Variants in GRID2 observed in about 807,000 individuals in gnomAD.
GRID2 encodes the protein glutamate ionotropic receptor delta type subunit 2.
Under a neutral mutation model 114.8 loss-of-function variants are expected in GRID2, and 33 were observed. The observed-to-expected ratio is 0.29, with a 90% CI of 0.22 to 0.38. The LOEUF (loss-of-function observed/expected upper bound fraction) is 0.38. GRID2 is among the 10% of genes least tolerant of loss of function. The pLI, the probability that GRID2 is intolerant of heterozygous loss-of-function variation, is 1.00. For missense variants in GRID2, 1,184 were observed against 1,257.7 expected (o/e 0.94, Z 0.89); for synonymous variants, 505 against 449.9 (o/e 1.12, Z -1.55).
intron 14 of GRID2, among the ~76,000 whole-genome samples, chr4:93,728,092 A>G (rs10029652): frequency 0.57 from 86,710 of 151,682 alleles, 25,416 homozygotes; most frequent in East Asian, 0.75. Context: ...TGTCAATTTT[A>G]GATCTTTCCT....
chr4:93,237,567 A>T (rs775473931), intron 7 of GRID2, among the ~76,000 whole-genome samples: 1 of 151,938 alleles, frequency 6.6e-6, no homozygotes, highest in Non-Finnish European at 1.5e-5. Context: ...ACCAGGCCAA[A>T]ATTTTAAGTT....
intron 1 of GRID2, among the ~76,000 whole-genome samples, chr4:92,521,808 A>G (rs1401831779): frequency 1.3e-5 from 2 of 152,028 alleles, no homozygotes. Flanking sequence ...CAAATGGCTT[A>G]GTCTCCTGGA....
intron 14 of GRID2, among the ~76,000 whole-genome samples, chr4:93,689,703 A>G (rs1472731536): frequency 6.6e-6 from 1 of 152,106 alleles, no homozygotes; most frequent in South Asian, 2.1e-4. Context: ...TGAAGAAAAC[A>G]TAGTCTTTTG....
chr4:93,259,413 T>C (rs1579455940), intron 8 of GRID2, among the ~76,000 whole-genome samples: 2 of 151,818 alleles, frequency 1.3e-5, no homozygotes, highest in Non-Finnish European at 3.0e-5. Flanking sequence ...CTTTTCAAAA[T>C]AGTCTCGACT....
At chr4:93,448,834 CCCTTCCCTTCCCTT>C (rs1722363813) in intron 10 of GRID2, among the ~76,000 whole-genome samples, 13 of 14,372 alleles carry the variant, frequency 9.0e-4, no homozygotes, top group South Asian at 6.7e-3. Flanking sequence ...CCCTTCCCTT[CCCTTCCCTTCCCTT>C]CCCTTCCCTT....
At chr4:93,037,732 C>T (rs1183315575) in intron 2 of GRID2, among the ~76,000 whole-genome samples, 1 of 152,058 alleles carries the variant, frequency 6.6e-6, no homozygotes, top group Non-Finnish European at 1.5e-5. Flanking sequence ...TCAGGTTTGT[C>T]AAAGATCAGA....
At chr4:93,083,640 G>A (rs1433965540) in intron 2 of GRID2, among the ~76,000 whole-genome samples, 2 of 143,378 alleles carry the variant, frequency 1.4e-5, no homozygotes, top group South Asian at 2.2e-4. Flanking sequence ...AAGTTGCTGT[G>A]AGCCAAGATC....
At position 93,229,400 on chromosome 4, in the gene GRID2, C is replaced by T. The variant is rs369975752; in HGVS notation, c.1125+4625C>T. Among the ~76,000 whole-genome samples, 745 of 152,120 alleles carry T rather than the reference C, an allele frequency of 4.9e-3. 8 individuals carry two copies. The highest frequency in any genetic ancestry group is 0.017 in the African/African-American group (714 of 41,490). ...GGCTGGCAAAAGGTTCCCACTCATG[C>T]GGGCTGGAGATTTGAGAAGCTCAAG... is the stretch of plus-strand genomic sequence containing the variant. On this transcript the variant is annotated intron_variant, in intron 7 of 15. Transcript: ENST00000282020.
intron 2 of GRID2, among the ~76,000 whole-genome samples, chr4:92,749,096 C>A (rs564498990): frequency 1.3e-5 from 2 of 151,486 alleles, no homozygotes; most frequent in African/African-American, 4.9e-5. Flanking sequence ...CAGGTGCAAG[C>A]GATTCTCCTG....
At chr4:93,516,047 C>A (rs1299442542) in intron 13 of GRID2, among the ~76,000 whole-genome samples, 1 of 152,138 alleles carries the variant, frequency 6.6e-6, no homozygotes, top group Non-Finnish European at 1.5e-5. Flanking sequence ...GCAATTCAAA[C>A]CCTATCAACC....
chr4:93,205,113 CT>C (rs1742552272), intron 4 of GRID2, among the ~76,000 whole-genome samples: 1 of 151,862 alleles, frequency 6.6e-6, no homozygotes, highest in Non-Finnish European at 1.5e-5. Flanking sequence ...TTTTCTGTTA[CT>C]TTTTATTGTT....
At chr4:92,492,455 G>A (rs1723187563) in intron 1 of GRID2, among the ~76,000 whole-genome samples, 1 of 152,190 alleles carries the variant, frequency 6.6e-6, no homozygotes, top group African/African-American at 2.4e-5. Flanking sequence ...ATAAGAGCAT[G>A]TATCATTCTG....
rs796391861 is a variant in GRID2, at chr4:92,676,334, A to T, written c.244+86048A>T. Among the ~76,000 whole-genome samples, 134 of 151,440 alleles carry T rather than the reference A, an allele frequency of 8.8e-4. 1 individual carries two copies. The highest frequency in any genetic ancestry group is 6.8e-3 in the Middle Eastern group (2 of 292). On this transcript the variant is annotated intron_variant, in intron 2 of 15. Coordinates refer to ENST00000282020, the MANE Select transcript of GRID2 (RefSeq NM_001510.4). Reference sequence around the variant, plus strand: ...AGCTGGGACTACAGGTGCCCACCACAACGCCCGGCTAATTTGTTGTATTTT... The same window carrying T: ...AGCTGGGACTACAGGTGCCCACCACTACGCCCGGCTAATTTGTTGTATTTT...
At chr4:93,751,732 G>A (rs2110284682) in intron 14 of GRID2, among the ~76,000 whole-genome samples, 1 of 152,270 alleles carries the variant, frequency 6.6e-6, no homozygotes, top group East Asian at 1.9e-4. Flanking sequence ...GTCAGTGAGA[G>A]GTTAGCGAAA....
At chr4:93,707,453 A>T (rs1009067062) in intron 14 of GRID2, among the ~76,000 whole-genome samples, 7 of 152,000 alleles carry the variant, frequency 4.6e-5, no homozygotes, top group African/African-American at 1.7e-4. Flanking sequence ...CTAGAAATTT[A>T]TCTATTTCTT....
At chr4:93,566,802 A>T (rs1379014947) in intron 13 of GRID2, among the ~76,000 whole-genome samples, 3 of 152,072 alleles carry the variant, frequency 2.0e-5, no homozygotes, top group African/African-American at 7.2e-5. Context: ...AAAAAAACTC[A>T]TCAAGTTGTG....
chr4:92,904,241 C>CTCATAAAAGTT (rs1747788639), intron 2 of GRID2, among the ~76,000 whole-genome samples: 1 of 150,758 alleles, frequency 6.6e-6, no homozygotes, highest in Non-Finnish European at 1.5e-5. Flanking sequence ...CTCCTGTATA[C>CTCATAAAAGTT]TCATAAAAGT....
At chr4:92,741,930 C>T (rs1380778156) in intron 2 of GRID2, among the ~76,000 whole-genome samples, 2 of 151,948 alleles carry the variant, frequency 1.3e-5, no homozygotes, top group Admixed American at 6.6e-5. Flanking sequence ...TGCTATTTTA[C>T]AAATAAAAAC....
chr4:92,600,875 A>G (rs1729188052), intron 2 of GRID2, among the ~76,000 whole-genome samples: 1 of 152,230 alleles, frequency 6.6e-6, no homozygotes, highest in Non-Finnish European at 1.5e-5. Context: ...CATAAGATGC[A>G]GGACCTCTTA....
Sources: gnomAD v4.1 joint callset for allele counts (sites outside exome capture counted in the v4.1 genomes callset) on GRCh38, gnomAD v4.1.1 for gene constraint, MANE v1.5 for transcripts, NCBI Gene and HGNC (gene_info 2026-07-23, HGNC 2026-07-21) for gene names.